The following LRRTM4 variants were observed in gnomAD, a reference collection of about 807,000 sequenced individuals.
LRRTM4 encodes the protein leucine rich repeat transmembrane neuronal 4.
In LRRTM4, 25 loss-of-function variants were observed where a neutral mutation model predicts 47.6. The ratio of observed to expected loss-of-function variants is 0.53; its 90% CI spans 0.38 to 0.73. The LOEUF is 0.73. Among genes scored for constraint, LRRTM4 ranks in the 30% least tolerant of loss-of-function variants. The pLI is 0.00. For missense variants in LRRTM4, 638 were observed against 713.4 expected (o/e 0.89, Z 1.20); for synonymous variants, 311 against 269.5 (o/e 1.15, Z -1.51).
chr2:76,862,787 C>A (rs1427310902), intron 3 of LRRTM4, among the ~76,000 whole-genome samples: 1 of 152,114 alleles, frequency 6.6e-6, no homozygotes, highest in African/African-American at 2.4e-5. Context: ...GTATCTTATT[C>A]ACATATATTT....
intron 3 of LRRTM4, among the ~76,000 whole-genome samples, chr2:76,894,012 A>G (rs528198988): frequency 4.6e-5 from 7 of 152,098 alleles, no homozygotes; most frequent in African/African-American, 1.4e-4. Flanking sequence ...AACATTCCCA[A>G]TTAAAGTCAA....
At chr2:77,309,698 GATA>G (rs1677394877) in intron 3 of LRRTM4, among the ~76,000 whole-genome samples, 1 of 148,460 alleles carries the variant, frequency 6.7e-6, no homozygotes, top group Non-Finnish European at 1.5e-5. Context: ...TAGATAGATA[GATA>G]GATAGATAGA....
At chr2:76,840,369 T>A (rs1282785422) in intron 3 of LRRTM4, among the ~76,000 whole-genome samples, 1 of 152,226 alleles carries the variant, frequency 6.6e-6, no homozygotes, top group African/African-American at 2.4e-5. Flanking sequence ...TTGAGAGCAA[T>A]AACAGAGCTG....
chr2:76,874,168 C>T (rs1472593727), intron 3 of LRRTM4, among the ~76,000 whole-genome samples: 1 of 151,676 alleles, frequency 6.6e-6, no homozygotes, highest in Non-Finnish European at 1.5e-5. Context: ...GAGCATTCCT[C>T]CAATCACTCT....
chr2:77,504,252 C>T (rs549804741), intron 3 of LRRTM4, among the ~76,000 whole-genome samples: 1 of 151,662 alleles, frequency 6.6e-6, no homozygotes, highest in Non-Finnish European at 1.5e-5. Context: ...TGTACTCATC[C>T]TTTACATATT....
chr2:77,146,789 A>C (rs964665643), intron 3 of LRRTM4, among the ~76,000 whole-genome samples: 1 of 152,160 alleles, frequency 6.6e-6, no homozygotes, highest in Non-Finnish European at 1.5e-5. Flanking sequence ...AATCTTAAAT[A>C]ATTTCATTTT....
intron 3 of LRRTM4, among the ~76,000 whole-genome samples, chr2:77,111,209 A>G (rs1023879182): frequency 3.3e-5 from 5 of 151,820 alleles, no homozygotes; most frequent in African/African-American, 4.8e-5. Context: ...TCCCGGGTTC[A>G]AGGGTTCAAG....
chr2:77,361,042 A>G (rs889344752), intron 3 of LRRTM4, among the ~76,000 whole-genome samples: 7 of 152,020 alleles, frequency 4.6e-5, no homozygotes, highest in Non-Finnish European at 1.0e-4. Flanking sequence ...AAAAAAACTC[A>G]CCATCTTATT....
chr2:77,128,243 AG>A (rs1333403043), intron 3 of LRRTM4, among the ~76,000 whole-genome samples: 2 of 152,210 alleles, frequency 1.3e-5, no homozygotes, highest in African/African-American at 2.4e-5. Context: ...AGATGACGTA[AG>A]GGAAAAAAAT....
chr2:77,188,537 C>G (rs1673577007), intron 3 of LRRTM4, among the ~76,000 whole-genome samples: 1 of 152,148 alleles, frequency 6.6e-6, no homozygotes, highest in South Asian at 2.1e-4. Context: ...GCCGACATTT[C>G]TAGGCACCAG....
chr2:76,987,659 T>C (rs905428308), intron 3 of LRRTM4, among the ~76,000 whole-genome samples: 10 of 151,880 alleles, frequency 6.6e-5, no homozygotes, highest in Non-Finnish European at 1.3e-4. Context: ...GAGAGATAAA[T>C]GTATTTTAGA....
intron 3 of LRRTM4, among the ~76,000 whole-genome samples, chr2:77,046,501 G>A (rs887810082): frequency 2.0e-5 from 3 of 151,850 alleles, no homozygotes; most frequent in Non-Finnish European, 4.4e-5. Context: ...ACAGAATCTT[G>A]GCAGACAGTC....
intron 3 of LRRTM4, among the ~76,000 whole-genome samples, chr2:76,798,226 A>G (rs1177151898): frequency 2.0e-5 from 3 of 152,188 alleles, no homozygotes; most frequent in Non-Finnish European, 2.9e-5. Context: ...AAAATGTAAA[A>G]GAGCAGAGAT....
intron 3 of LRRTM4, among the ~76,000 whole-genome samples, chr2:77,094,583 T>C (rs952666546): frequency 2.0e-5 from 3 of 152,146 alleles, no homozygotes; most frequent in African/African-American, 7.2e-5. Context: ...TATAGATACA[T>C]CTACCAGTGG....
intron 3 of LRRTM4, among the ~76,000 whole-genome samples, chr2:76,833,786 A>AT (rs909225085): frequency 1.3e-5 from 2 of 151,698 alleles, no homozygotes; most frequent in Admixed American, 1.3e-4. Flanking sequence ...AACTTAAAAT[A>AT]TTTTTTCTTA....
At chr2:77,006,406 A>G (rs1677649390) in intron 3 of LRRTM4, among the ~76,000 whole-genome samples, 1 of 152,220 alleles carries the variant, frequency 6.6e-6, no homozygotes, top group South Asian at 2.1e-4. Context: ...TGGTTGAGAA[A>G]TATGACCTAG....
At chr2:76,828,092 C>A (rs1050121373) in intron 3 of LRRTM4, among the ~76,000 whole-genome samples, 9 of 151,856 alleles carry the variant, frequency 5.9e-5, no homozygotes, top group African/African-American at 2.2e-4. Flanking sequence ...AAGACAGAAT[C>A]ATTTATTTGG....
intron 3 of LRRTM4, among the ~76,000 whole-genome samples, chr2:76,858,268 C>G (rs1390936696): frequency 6.6e-6 from 1 of 152,092 alleles, no homozygotes; most frequent in Non-Finnish European, 1.5e-5. Context: ...AGGTGAACGC[C>G]TGAAAAAACA....
At chr2:77,170,786 A>T (rs562796089) in intron 3 of LRRTM4, among the ~76,000 whole-genome samples, 4,242 of 150,634 alleles carry the variant, frequency 0.028, 211 homozygotes, top group African/African-American at 0.096. Context: ...TTTCTTTCTT[A>T]GTTTTTTCTA....
Sources: gnomAD v4.1 joint callset for allele counts (sites outside exome capture counted in the v4.1 genomes callset) on GRCh38, gnomAD v4.1.1 for gene constraint, MANE v1.5 for transcripts, NCBI Gene and HGNC (gene_info 2026-07-23, HGNC 2026-07-21) for gene names.